Variants in CDC27 observed in about 807,000 individuals in gnomAD.
The protein encoded by CDC27 is cell division cycle protein 27 homolog.
CDC27 carries 27 observed loss-of-function variants against 109.7 expected under a neutral mutation model. The observed-to-expected ratio is 0.25, with a 90% confidence interval of 0.18 to 0.34. The LOEUF (loss-of-function observed/expected upper bound fraction) is 0.34, where lower values mean the gene tolerates loss of function less well. Ranked by LOEUF, CDC27 falls within the 10% of genes least tolerant of loss-of-function variation. The pLI is 1.00. For synonymous variants in CDC27, 266 were observed against 333.9 expected (o/e 0.80, Z 2.22); for missense variants, 579 against 960.2 (o/e 0.60, Z 5.25).
At chr17:47,180,693 T>C (rs1191622571) in intron 2 of CDC27, among the ~76,000 whole-genome samples, 4 of 152,086 alleles carry the variant, frequency 2.6e-5, no homozygotes, top group Middle Eastern at 3.4e-3. Context: ...AAACATACAT[T>C]ATCAGTGGTG....
intron 9 of CDC27, among the ~76,000 whole-genome samples, chr17:47,146,934 G>A (rs531197141): frequency 2.0e-5 from 3 of 152,058 alleles, no homozygotes; most frequent in East Asian, 1.9e-4. Flanking sequence ...TATGTGGCAC[G>A]TGCCTATAGT....
At chr17:47,178,797 C>T (rs373549470) in intron 2 of CDC27, among the ~76,000 whole-genome samples, 144 of 151,932 alleles carry the variant, frequency 9.5e-4, no homozygotes, top group African/African-American at 3.4e-3. Flanking sequence ...TTCAGATTCT[C>T]TTTCCTTTTT....
At chr17:47,132,435 C>T in intron 14 of CDC27, 61 bp from the exon 15 acceptor site, 2 of 741,784 alleles carry the variant, frequency 2.7e-6, no homozygotes, top group East Asian at 5.8e-5. Flanking sequence ...TAATTTAGTT[C>T]AATTAGTAAA....
chr17:47,184,180 C>A (rs1567727344), intron 1 of CDC27, among the ~76,000 whole-genome samples: 1 of 152,160 alleles, frequency 6.6e-6, no homozygotes, highest in Admixed American at 6.5e-5. Flanking sequence ...TTTTCTCAGC[C>A]TCAATCTCTT....
chr17:47,140,838 T>C lies in CDC27; in HGVS notation c.1551+1015A>G, dbSNP rs1370779734. On this transcript the variant is annotated intron_variant, in intron 12 of 18. Coordinates refer to ENST00000066544, the MANE Select transcript of CDC27 (RefSeq NM_001256.6). ...ACTATTCAAAATTAAATTATATGAA[T>C]AGGTATCCTCTGTATGTATTCCCTG... 2.6e-5 allele frequency among the ~76,000 whole-genome samples: 4 copies of C among 152,220 alleles called. No homozygotes were observed. The East Asian group carries it at 7.7e-4, about 29-fold the overall frequency.
At chr17:47,174,905 G>A (rs1014435362) in intron 2 of CDC27, among the ~76,000 whole-genome samples, 3 of 152,016 alleles carry the variant, frequency 2.0e-5, no homozygotes, top group Non-Finnish European at 2.9e-5. Context: ...GCAGTGAGCC[G>A]AGATCATGCC....
At chr17:47,142,476 T>C in intron 10 of CDC27, 40 bp from the exon 11 acceptor site, 2 of 786,920 alleles carry the variant, frequency 2.5e-6, no homozygotes, top group African/African-American at 1.7e-5. Flanking sequence ...TATACTCATG[T>C]ATTTTAGATT....
At chr17:47,163,630 C>A (rs2063559548) in intron 4 of CDC27, among the ~76,000 whole-genome samples, 1 of 152,214 alleles carries the variant, frequency 6.6e-6, no homozygotes, top group Non-Finnish European at 1.5e-5. Context: ...TACATACACA[C>A]ACATACCTTT....
At position 47,117,964 on chromosome 17, in the gene CDC27, TAATG is replaced by T. The variant is rs2061911430; in HGVS notation, c.*2967_*2970del. 6.6e-6 allele frequency: 1 copy of T among 152,252 alleles called. No homozygotes were observed. The highest frequency in any genetic ancestry group is 1.5e-5 in the Non-Finnish European group (1 of 68,040). The allele number at this position is 152,252 out of a possible 1,614,324, so 9.4% of individuals were successfully genotyped here. A position where few individuals can be genotyped will look rare whatever the true frequency, so the allele number is the denominator to read the frequency against. ...ACTTATTTGGATTTTCCATATCCTT[TAATG>T]AATTGCAAATATATTAACAGAAAAG... On this transcript the variant is annotated 3_prime_UTR_variant, in exon 19 of 19. Coordinates refer to ENST00000066544, the MANE Select transcript of CDC27 (RefSeq NM_001256.6).
intron 5 of CDC27, 40 bp from the exon 6 acceptor site, chr17:47,157,424 G>T: frequency 1.3e-6 from 2 of 1,510,804 alleles, no homozygotes; most frequent in Non-Finnish European, 1.8e-6. Flanking sequence ...CTCTGAGGAA[G>T]TGAGGAATAC....
rs553245963 is a variant in CDC27 at position 47,133,190 on chromosome 17, G to A, written c.1914-816C>T. Among the ~76,000 whole-genome samples, 681 of 147,104 alleles carry A rather than the reference G, an allele frequency of 4.6e-3. 5 individuals are homozygous for A. The highest frequency in any genetic ancestry group is 0.016 in the African/African-American group (649 of 39,804). On this transcript the variant is annotated intron_variant, in intron 14 of 18. Coordinates refer to ENST00000066544, the MANE Select transcript of CDC27 (RefSeq NM_001256.6). The stretch of plus-strand genomic sequence containing the variant: ...TTTTGCTCTTGTTGCCCAGGCTGGA[G>A]TGCAATGGTGCAATCTCGGCTCACC...
intron 8 of CDC27, among the ~76,000 whole-genome samples, chr17:47,154,086 C>T (rs1290261788): frequency 7.5e-6 from 1 of 134,006 alleles, no homozygotes; most frequent in South Asian, 2.6e-4. Context: ...GAGACCCTGT[C>T]TCAAAAAAAA....
chr17:47,180,664 T>C (rs974372999), intron 2 of CDC27, among the ~76,000 whole-genome samples: 1 of 151,864 alleles, frequency 6.6e-6, no homozygotes, highest in East Asian at 1.9e-4. Context: ...GAAAGGGAAT[T>C]ATAATAATGA....
chr17:47,172,640 A>G (rs1029958567), intron 2 of CDC27, among the ~76,000 whole-genome samples: 1 of 152,230 alleles, frequency 6.6e-6, no homozygotes, highest in African/African-American at 2.4e-5. Flanking sequence ...CTATAGTAAC[A>G]ATAATTAAAT....
intron 9 of CDC27, among the ~76,000 whole-genome samples, chr17:47,151,311 C>T (rs1229099968): frequency 1.5e-4 from 23 of 152,142 alleles, no homozygotes; most frequent in Admixed American, 1.5e-3. Context: ...GGTACATGTT[C>T]ACAGTTTTAG....
intron 16 of CDC27, among the ~76,000 whole-genome samples, chr17:47,125,746 G>A (rs1464831229): frequency 2.7e-5 from 4 of 150,646 alleles, no homozygotes; most frequent in African/African-American, 7.3e-5. Flanking sequence ...GTTTCACCAT[G>A]TTGGCCAGGC....
intron 1 of CDC27, among the ~76,000 whole-genome samples, chr17:47,188,544 A>G (rs80157017): frequency 1.3e-5 from 2 of 152,086 alleles, no homozygotes; most frequent in East Asian, 1.9e-4. Flanking sequence ...CTCCCCTGGT[A>G]TTGGTGCTTG....
intron 4 of CDC27, chr17:47,159,136 T>C (rs906015184): frequency 5.2e-5 from 17 of 325,286 alleles, no homozygotes; most frequent in Admixed American, 1.5e-4. Context: ...AGGTTTTTAT[T>C]TGTTGTTGTT....
intron 17 of CDC27, among the ~76,000 whole-genome samples, chr17:47,122,824 C>T (rs2062017989): frequency 6.6e-6 from 1 of 152,094 alleles, no homozygotes; most frequent in African/African-American, 2.4e-5. Flanking sequence ...CAGGTGCCCA[C>T]CACCACCCCT....
Sources: allele counts gnomAD v4.1 joint callset (sites outside exome capture counted in the v4.1 genomes callset), GRCh38; gene constraint gnomAD v4.1.1; transcripts MANE v1.5; gene names NCBI Gene and HGNC (gene_info 2026-07-23, HGNC 2026-07-21).